The following FAM169A variants were observed in gnomAD, a reference collection of about 807,000 sequenced individuals.
FAM169A encodes the protein family with sequence similarity 169 member A, also known as soluble lamin-associated protein of 75 kDa.
In FAM169A, 24 loss-of-function variants were observed where a neutral mutation model predicts 75.7. That is an observed-to-expected ratio of 0.32 (90% CI 0.23 to 0.45). FAM169A has a LOEUF of 0.45. Among genes scored for constraint, FAM169A ranks in the 20% least tolerant of loss-of-function variants. The pLI, the probability that FAM169A is intolerant of heterozygous loss-of-function variation, is 1.00. For synonymous variants in FAM169A, 271 were observed against 271.0 expected, an observed-to-expected ratio of 1.00 and a Z score of 0.00; for missense variants, 673 against 784.0, an observed-to-expected ratio of 0.86 and a Z score of 1.69.
chr5:74,799,311 CCTAGAGA>C, intron 10 of FAM169A: 1 of 1,597,376 alleles, frequency 6.3e-7, no homozygotes, highest in Non-Finnish European at 8.6e-7. Context: ...AGTGGTCCGC[CCTAGAGA>C]ACAAATTTGC....
At chr5:74,864,059 A>G (rs1561332927) in intron 1 of FAM169A, among the ~76,000 whole-genome samples, 2 of 152,302 alleles carry the variant, frequency 1.3e-5, no homozygotes, top group South Asian at 2.1e-4. Flanking sequence ...GGGAAGCACG[A>G]TATTTTTGCC....
rs78303415 is a variant in FAM169A at position 74,850,181 on chromosome 5, A to G, written c.-3-8502T>C. On this transcript the variant is annotated intron_variant, in intron 1 of 12. Transcript: ENST00000687041. ...TCTTCACTTGGCCGAAAAGGAAACA[A>G]AGACACAAAGTGGCTGAGTAACTTG... 3.2e-3 allele frequency among the ~76,000 whole-genome samples: 492 copies of G among 152,326 alleles called. 7 individuals carry two copies. The East Asian group carries it at 0.057, about 18-fold the overall frequency.
rs1453405660 is a variant in FAM169A at position 74,779,566 on chromosome 5, CAT to C, written c.*1892_*1893del. 2.6e-5 allele frequency: 4 copies of C among 151,108 alleles called. No individual in the cohort carries two copies. Among genetic ancestry groups the C allele is most frequent in the Admixed American group, 1.3e-4 (2 of 15,186 alleles). 9.4% of individuals were successfully genotyped at this position (151,108 alleles called of 1,614,324 possible). A position where few individuals can be genotyped will look rare whatever the true frequency, so the allele number is the denominator to read the frequency against. On this transcript the variant is annotated 3_prime_UTR_variant, in exon 13 of 13. Transcript: ENST00000687041. ...CTTTGTGATATTGACAGAAGTTTCT[CAT>C]AAAATGTATAAAACAGCATAAATGT...
At chr5:74,782,737 A>G (rs1745474149) in intron 12 of FAM169A, among the ~76,000 whole-genome samples, 194 bp downstream of exon 12, 1 of 152,216 alleles carries the variant, frequency 6.6e-6, no homozygotes, top group African/African-American at 2.4e-5. Context: ...CACATATCAG[A>G]TATGAATAAG....
At position 74,857,561 on chromosome 5, in the gene FAM169A, C is replaced by A. The variant is rs1279834659; in HGVS notation, c.-4+8604G>T. ...CTCCAGTCTGGGTGACAGAGCCAGA[C>A]CTTGCCGCGGGAAAAAAAAAAAAAA... On this transcript the variant is annotated intron_variant, in intron 1 of 12. Transcript: ENST00000687041. 7.1e-5 allele frequency among the ~76,000 whole-genome samples: 8 copies of A among 112,192 alleles called. No individual in the cohort carries two copies. The East Asian group carries it at 1.4e-3, about 19-fold the overall frequency. 73.6% of individuals were successfully genotyped at this position (112,192 alleles called of 152,430 possible). A position where few individuals can be genotyped will look rare whatever the true frequency, so the allele number is the denominator to read the frequency against.
chr5:74,841,808 C>G, intron 1 of FAM169A, 129 bp from the exon 2 acceptor site: 4 of 755,010 alleles, frequency 5.3e-6, no homozygotes, highest in African/African-American at 3.6e-5. Flanking sequence ...TCACTTTGCC[C>G]GCAGAATACA....
At chr5:74,830,081 T>C (rs1422954687) in intron 5 of FAM169A, among the ~76,000 whole-genome samples, 2 of 152,198 alleles carry the variant, frequency 1.3e-5, no homozygotes, top group African/African-American at 4.8e-5. Flanking sequence ...GTATCAACTT[T>C]GTTAATCTAA....
At chr5:74,810,515 C>T (rs1189910431) in intron 6 of FAM169A, among the ~76,000 whole-genome samples, 1 of 151,768 alleles carries the variant, frequency 6.6e-6, no homozygotes, top group Non-Finnish European at 1.5e-5. Flanking sequence ...TTTGGGAGTC[C>T]GAGGCGGGTG....
chr5:74,844,546 ACAGT>A (rs1213794839), intron 1 of FAM169A, among the ~76,000 whole-genome samples: 1 of 152,234 alleles, frequency 6.6e-6, no homozygotes, highest in African/African-American at 2.4e-5. Context: ...TGGGCCAGAC[ACAGT>A]GGCTCACGCC....
At chr5:74,807,411 T>C (rs1443121447) in intron 6 of FAM169A, among the ~76,000 whole-genome samples, 2 of 152,208 alleles carry the variant, frequency 1.3e-5, no homozygotes, top group Admixed American at 6.5e-5. Context: ...GGAGCTGTGA[T>C]TGGCAGCCAC....
intron 1 of FAM169A, 102 bp downstream of exon 1, chr5:74,866,063 C>T: frequency 1.8e-6 from 1 of 570,376 alleles, no homozygotes; most frequent in Non-Finnish European, 2.2e-6. Context: ...CCCGCGTCGC[C>T]GCTCGGTGTC....
rs373307378 is a variant in FAM169A, at chr5:74,781,565, G to A, written c.1908C>T (p.Ser636=). ...TQSAEKAVDS[S]SEEIEVEVPV... is the part of the protein sequence containing the mutation. ...GCACTTCCACTTCTATTTCCTCTGA[G>A]CTGCTATCCACAGCTTTTTCTGCCG... is the stretch of plus-strand genomic sequence containing the variant. Residue 636 remains serine, a synonymous_variant, in exon 13 of 13, where the codon AGC becomes AGT. Transcript: ENST00000687041. 4.3e-6 allele frequency: 7 copies of A among 1,613,956 alleles called. No individual in the cohort carries two copies. The East Asian group carries it at 1.1e-4, about 26-fold the overall frequency.
intron 1 of FAM169A, among the ~76,000 whole-genome samples, chr5:74,845,906 T>C (rs976108085): frequency 6.6e-6 from 1 of 152,198 alleles, no homozygotes; most frequent in African/African-American, 2.4e-5. Context: ...TCAAATTCTA[T>C]ATGTAAAAGC....
Position 74,834,423 on chromosome 5 carries a change from C to T in FAM169A, c.490+3G>A, listed in dbSNP as rs1748468388. ...ACAGTTTAAATAACTTTTAAAGACTCACCTGTAGGCTTAACTGAATAAAAC... is the reference window on the plus strand; with the variant it reads ...ACAGTTTAAATAACTTTTAAAGACTTACCTGTAGGCTTAACTGAATAAAAC... On this transcript the variant is annotated splice_donor_region_variant and intron_variant, in intron 5 of 12. Coordinates refer to ENST00000687041, the MANE Select transcript of FAM169A (RefSeq NM_001376049.1). The T allele has an allele frequency of 6.9e-6, 10 of 1,454,406 alleles. No individual in the cohort carries two copies. The highest frequency in any genetic ancestry group is 9.1e-6 in the Non-Finnish European group (10 of 1,095,928). 90.1% of individuals were successfully genotyped at this position (1,454,406 alleles called of 1,614,324 possible).
At chr5:74,857,556 C>A (rs1488887300) in intron 1 of FAM169A, among the ~76,000 whole-genome samples, 1 of 117,170 alleles carries the variant, frequency 8.5e-6, no homozygotes, top group African/African-American at 3.4e-5. Flanking sequence ...GGTGACAGAG[C>A]CAGACCTTGC....
At chr5:74,810,210 GAA>G (rs1249390423) in intron 6 of FAM169A, among the ~76,000 whole-genome samples, 1 of 152,192 alleles carries the variant, frequency 6.6e-6, no homozygotes, top group Non-Finnish European at 1.5e-5. Context: ...GCCAGACATA[GAA>G]GTAGAGATAC....
chr5:74,864,185 C>T (rs1179464251), intron 1 of FAM169A, among the ~76,000 whole-genome samples: 1 of 152,186 alleles, frequency 6.6e-6, no homozygotes, highest in Non-Finnish European at 1.5e-5. Context: ...GGAAACTTTA[C>T]CTCAAAAGCA....
chr5:74,825,775 T>C (rs1333751857), intron 5 of FAM169A, among the ~76,000 whole-genome samples: 3 of 152,158 alleles, frequency 2.0e-5, no homozygotes, highest in Non-Finnish European at 4.4e-5. Flanking sequence ...TCTAGTAACG[T>C]TTTGATTCTT....
At chr5:74,796,336 C>A (rs1006267276) in intron 10 of FAM169A, 150 bp from the exon 11 acceptor site, 16 of 625,460 alleles carry the variant, frequency 2.6e-5, no homozygotes, top group Non-Finnish European at 4.0e-5. Flanking sequence ...TCTTCATCCT[C>A]TTATAATATT....
Sources: allele counts gnomAD v4.1 joint callset (sites outside exome capture counted in the v4.1 genomes callset), GRCh38; gene constraint gnomAD v4.1.1; transcripts MANE v1.5; gene names NCBI Gene and HGNC (gene_info 2026-07-23, HGNC 2026-07-21).